CTNNA2: variants seen among roughly 807,000 people sequenced by gnomAD.
CTNNA2 encodes catenin alpha-2.
CTNNA2 carries 42 observed loss-of-function variants against 101.0 expected under a neutral mutation model. The observed-to-expected ratio is 0.42, with a 90% confidence interval of 0.32 to 0.54. CTNNA2 has a LOEUF of 0.54. Ranked by LOEUF, CTNNA2 falls within the 20% of genes least tolerant of loss-of-function variation. The pLI is 0.14. For missense variants in CTNNA2, 871 were observed against 1,223.1 expected, an observed-to-expected ratio of 0.71 and a Z score of 4.29; for synonymous variants, 450 against 456.4, an observed-to-expected ratio of 0.99 and a Z score of 0.18.
intron 17 of CTNNA2, 46 bp from the exon 18 acceptor site, chr2:80,619,039 T>TTTTTCTC: frequency 7.7e-7 from 1 of 1,294,388 alleles, no homozygotes; most frequent in South Asian, 2.0e-5. Context: ...TTTTTTTCTT[T>TTTTTCTC]TGCTCTCTCT....
At chr2:79,503,809 G>A (rs1040362768) in intron 4 of CTNNA2, among the ~76,000 whole-genome samples, 5 of 152,112 alleles carry the variant, frequency 3.3e-5, no homozygotes, top group Non-Finnish European at 7.4e-5. Context: ...TCATTGAAAT[G>A]GAAGTTGATC....
intron 2 of CTNNA2, among the ~76,000 whole-genome samples, chr2:79,740,382 G>A (rs1002592154): frequency 7.2e-5 from 11 of 152,214 alleles, no homozygotes; most frequent in African/African-American, 2.4e-4. Context: ...CCATAGAAGA[G>A]CATTGTTACA....
At chr2:80,220,960 C>T (rs1244108834) in intron 7 of CTNNA2, among the ~76,000 whole-genome samples, 1 of 152,170 alleles carries the variant, frequency 6.6e-6, no homozygotes, top group Non-Finnish European at 1.5e-5. Context: ...CGGCTCACTG[C>T]AGCCTCCACC....
At chr2:79,410,134 T>G (rs1213159805) in intron 4 of CTNNA2, among the ~76,000 whole-genome samples, 1 of 148,016 alleles carries the variant, frequency 6.8e-6, no homozygotes, top group Non-Finnish European at 1.5e-5. Flanking sequence ...ATGCTTGTGA[T>G]TTTTGTACAT....
intron 1 of CTNNA2, among the ~76,000 whole-genome samples, chr2:79,533,241 C>T (rs1455500101): frequency 5.3e-5 from 8 of 151,994 alleles, no homozygotes; most frequent in Admixed American, 2.0e-4. Context: ...GCTCCATACC[C>T]GCTACATAAC....
intron 7 of CTNNA2, among the ~76,000 whole-genome samples, chr2:79,991,444 A>G (rs1035035288): frequency 2.6e-5 from 4 of 152,094 alleles, no homozygotes; most frequent in African/African-American, 9.7e-5. Context: ...CAGGTGACTT[A>G]ATTTCTCTAG....
chr2:79,291,039 C>T (rs936808155), intron 2 of CTNNA2, among the ~76,000 whole-genome samples: 2 of 152,142 alleles, frequency 1.3e-5, no homozygotes, highest in African/African-American at 2.4e-5. Flanking sequence ...CCACGACCTG[C>T]CTGTCTGCAT....
intron 3 of CTNNA2, among the ~76,000 whole-genome samples, chr2:79,840,507 T>A (rs1679717858): frequency 6.6e-6 from 1 of 152,230 alleles, no homozygotes. Flanking sequence ...TTGCTGAACT[T>A]TACATGCATT....
At chr2:80,388,684 A>G (rs1476880861) in intron 7 of CTNNA2, among the ~76,000 whole-genome samples, 3 of 152,246 alleles carry the variant, frequency 2.0e-5, no homozygotes, top group Admixed American at 6.5e-5. Flanking sequence ...CAGCAAAAAC[A>G]GGGAATAATT....
intron 7 of CTNNA2, among the ~76,000 whole-genome samples, chr2:80,233,310 T>A (rs1459626384): frequency 1.3e-5 from 2 of 152,080 alleles, no homozygotes; most frequent in Non-Finnish European, 2.9e-5. Context: ...TGAGAAGCAA[T>A]CCCACCGAAA....
chr2:79,671,641 T>C (rs1235453316), intron 2 of CTNNA2, among the ~76,000 whole-genome samples: 7 of 152,220 alleles, frequency 4.6e-5, no homozygotes, highest in African/African-American at 1.7e-4. Context: ...AATGACATAA[T>C]GCCTGGGAAC....
At chr2:79,977,237 C>T (rs1313753696) in intron 7 of CTNNA2, among the ~76,000 whole-genome samples, 2 of 151,932 alleles carry the variant, frequency 1.3e-5, no homozygotes, top group Non-Finnish European at 2.9e-5. Flanking sequence ...CACACACACA[C>T]ACACACACAC....
rs781414965 is a variant in CTNNA2 at position 79,187,270 on chromosome 2, C to CTTTTTTTTTTTTTTTTTTTT, written c.-524+1856_-524+1857insTTTTTTTTTTTTTTTTTTTT. 1.0e-3 allele frequency among the ~76,000 whole-genome samples: 66 copies of CTTTTTTTTTTTTTTTTTTTT among 65,434 alleles called. 4 individuals carry two copies. The highest frequency in any genetic ancestry group is 1.4e-3 in the African/African-American group (20 of 13,950). 42.9% of individuals were successfully genotyped at this position (65,434 alleles called of 152,430 possible). A position where few individuals can be genotyped will look rare whatever the true frequency, so the allele number is the denominator to read the frequency against. On this transcript the variant is annotated intron_variant, in intron 1 of 21. Transcript: ENST00000466387. ...CTTTTCTTTTCTTTTCTTTTCTTTT[C>CTTTTTTTTTTTTTTTTTTTT]TTTTTTTTTTTTTTTTTGAGACAGA...
intron 4 of CTNNA2, among the ~76,000 whole-genome samples, chr2:79,387,314 A>G (rs142411638): frequency 3.1e-4 from 47 of 152,234 alleles, no homozygotes; most frequent in African/African-American, 1.1e-3. Context: ...GTCTCTCCAG[A>G]TCTTGTTAAT....
At chr2:80,323,852 T>C (rs1040678724) in intron 7 of CTNNA2, among the ~76,000 whole-genome samples, 38 of 152,230 alleles carry the variant, frequency 2.5e-4, no homozygotes, top group African/African-American at 8.4e-4. Context: ...CCACCCTAAC[T>C]CTTTACAAGG....
At chr2:80,421,283 T>C (rs1044386480) in intron 9 of CTNNA2, among the ~76,000 whole-genome samples, 1 of 152,222 alleles carries the variant, frequency 6.6e-6, no homozygotes, top group Non-Finnish European at 1.5e-5. Flanking sequence ...CTGCAGAGTT[T>C]ACTGAAAATA....
chr2:79,809,010 A>G (rs965440121), intron 3 of CTNNA2, among the ~76,000 whole-genome samples: 1 of 151,602 alleles, frequency 6.6e-6, no homozygotes, highest in Non-Finnish European at 1.5e-5. Context: ...TCATTGCTCA[A>G]CTCCCACTTA....
intron 6 of CTNNA2, among the ~76,000 whole-genome samples, chr2:79,885,707 A>G (rs1239233204): frequency 1.3e-5 from 2 of 152,344 alleles, no homozygotes; most frequent in Admixed American, 1.3e-4. Flanking sequence ...CTTACATTAC[A>G]TTAGAATGAA....
chr2:79,686,423 C>T (rs924843607), intron 2 of CTNNA2, among the ~76,000 whole-genome samples: 1 of 152,152 alleles, frequency 6.6e-6, no homozygotes, highest in African/African-American at 2.4e-5. Flanking sequence ...GCTTACAATA[C>T]ACCTTAATGT....
Sources: gnomAD v4.1 joint callset for allele counts (sites outside exome capture counted in the v4.1 genomes callset) on GRCh38, gnomAD v4.1.1 for gene constraint, MANE v1.5 for transcripts, NCBI Gene and HGNC (gene_info 2026-07-23, HGNC 2026-07-21) for gene names.